The following LGALS16 variants were observed in gnomAD, a reference collection of about 807,000 sequenced individuals.
LGALS16 encodes galectin-16.
LGALS16 carries 15 observed loss-of-function variants against 13.2 expected under a neutral mutation model. The observed-to-expected ratio is 1.13, with a 90% confidence interval of 0.76 to 1.75. The LOEUF is 1.75. LGALS16 is among the 40% of genes most tolerant of loss of function. LGALS16 has a pLI of 0.00. For missense variants in LGALS16, 198 were observed against 178.4 expected (o/e 1.11, Z -0.63); for synonymous variants, 66 against 65.4 (o/e 1.01, Z -0.05).
chr19:39,655,941 G>T lies in LGALS16; in HGVS notation c.-21G>T. On this transcript the variant is annotated 5_prime_UTR_variant, in exon 1 of 4. Coordinates refer to ENST00000392051, the MANE Select transcript of LGALS16 (RefSeq NM_001190441.3). ...CAGAAGACTGGACACAATTCCGAAG[G>T]TCGCCCAGAAGGAGAGGACAATGTC... 6.2e-7 allele frequency: 1 copy of T among 1,613,488 alleles called. No individual in the cohort carries two copies. The highest frequency in any genetic ancestry group is 8.5e-7 in the Non-Finnish European group (1 of 1,179,806).
intron 3 of LGALS16, among the ~76,000 whole-genome samples, chr19:39,659,901 C>G (rs1311657846): frequency 6.6e-6 from 1 of 152,298 alleles, no homozygotes; most frequent in South Asian, 2.1e-4. Flanking sequence ...GACCTGTCCT[C>G]CTTTAACTCT....
chr19:39,656,805 G>C (rs907791067), intron 1 of LGALS16, among the ~76,000 whole-genome samples: 8 of 151,954 alleles, frequency 5.3e-5, no homozygotes, highest in Non-Finnish European at 7.4e-5. Context: ...TTTCATTGTG[G>C]GACAGGAGGT....
At position 39,660,501 on chromosome 19, in the gene LGALS16, T is replaced by C. The variant is rs776455945; in HGVS notation, c.410T>C (p.Val137Ala). Reference protein sequence around the residue: ...WRDVSLDSVLVNNGRR With the variant: ...WRDVSLDSVLANNGRR ...GATGTCTCCCTGGACTCAGTGCTTG[T>C]CAACAATGGACGGAGATGATCACAC... is the stretch of plus-strand genomic sequence containing the variant. Residue 137 changes from valine (V) to alanine (A), a missense_variant, in exon 4 of 4, where the codon GTC (valine) becomes GCC (alanine). Val to Ala is a moderately conservative substitution (Grantham distance 64). Transcript: ENST00000392051. The C allele has an allele frequency of 1.3e-6, 2 of 1,545,704 alleles. No individual in the cohort carries two copies. Among genetic ancestry groups the C allele is most frequent in the South Asian group, 1.2e-5 (1 of 84,664 alleles).
intron 3 of LGALS16, 24 bp downstream of exon 3, chr19:39,658,694 T>C (rs1159472439): frequency 2.1e-6 from 3 of 1,438,580 alleles, no homozygotes; most frequent in African/African-American, 2.8e-5. Flanking sequence ...GAGCTCGCAG[T>C]ACCCAGGCTC....
chr19:39,657,571 C>T (rs1973207776), intron 1 of LGALS16, among the ~76,000 whole-genome samples: 1 of 152,096 alleles, frequency 6.6e-6, no homozygotes, highest in Admixed American at 6.5e-5. Flanking sequence ...ACTTCCTACA[C>T]AGTAGGAATT....
chr19:39,657,956 C>T lies in LGALS16; in HGVS notation c.89C>T (p.Ser30Phe), dbSNP rs745449675. 3.7e-6 allele frequency: 6 copies of T among 1,613,856 alleles called. No individual in the cohort carries two copies. In the South Asian group the frequency reaches 5.5e-5, roughly 15 times the overall value. The change falls in exon 2 of 4, where the codon TCT becomes TTT. Residue 30 changes from serine (S) to phenylalanine (F), a missense_variant. Coordinates refer to ENST00000392051, the MANE Select transcript of LGALS16 (RefSeq NM_001190441.3). ...VIIKGTLIDS[S>F]INEPQLQVDF... is the part of the protein sequence containing the mutation. Reference sequence around the variant, plus strand: ...ATCAAAGGGACACTGATCGACTCTTCTATGTGAGTACTCCATGGTCCAATG... The same window carrying T: ...ATCAAAGGGACACTGATCGACTCTTTTATGTGAGTACTCCATGGTCCAATG...
chr19:39,657,884 T>C lies in LGALS16; in HGVS notation c.17T>C (p.Val6Ala), dbSNP rs745518275. Residue 6 changes from valine to alanine, a missense_variant and splice_region_variant, in exon 2 of 4, where the codon GTG (valine) becomes GCG (alanine). Val to Ala is a moderately conservative substitution (Grantham distance 64, BLOSUM62 0). Transcript: ENST00000392051. MSFLT[V>A]PYKLPVSLSV... ...CACTTATTCTCAATACCCTGGCAGG[T>C]GCCATACAAACTGCCTGTGTCTTTG... The C allele has an allele frequency of 1.9e-6, 3 of 1,613,768 alleles. No individual in the cohort carries two copies. Among genetic ancestry groups the C allele is most frequent in the Admixed American group, 3.3e-5 (2 of 60,022 alleles).
chr19:39,657,409 C>T (rs1973206302), intron 1 of LGALS16, among the ~76,000 whole-genome samples: 1 of 152,158 alleles, frequency 6.6e-6, no homozygotes, highest in African/African-American at 2.4e-5. Context: ...GGAAGGACGT[C>T]CATTGCCCTT....
chr19:39,656,076 G>A (rs1007512110), intron 1 of LGALS16, 100 bp downstream of exon 1: 6 of 1,254,458 alleles, frequency 4.8e-6, no homozygotes, highest in Non-Finnish European at 6.8e-6. Context: ...TTCCTACTGT[G>A]AATGCTTTAC....
intron 1 of LGALS16, 32 bp from the exon 2 acceptor site, chr19:39,657,851 G>T: frequency 3.7e-6 from 6 of 1,609,658 alleles, no homozygotes; most frequent in Non-Finnish European, 5.1e-6. Context: ...ACCTGACCCT[G>T]CACCTCTCAC....
intron 1 of LGALS16, 118 bp from the exon 2 acceptor site, chr19:39,657,765 G>A (rs1003744964): frequency 3.6e-6 from 4 of 1,098,442 alleles, no homozygotes; most frequent in African/African-American, 3.1e-5. Context: ...AGAGTGAATG[G>A]GGAGAGTCCA....
At chr19:39,656,800 T>C (rs1973199785) in intron 1 of LGALS16, among the ~76,000 whole-genome samples, 1 of 151,998 alleles carries the variant, frequency 6.6e-6, no homozygotes, top group East Asian at 1.9e-4. Flanking sequence ...GTCCTTTTCA[T>C]TGTGGGACAG....
chr19:39,659,436 T>C (rs1600818873), intron 3 of LGALS16, among the ~76,000 whole-genome samples: 1 of 152,196 alleles, frequency 6.6e-6, no homozygotes, highest in Non-Finnish European at 1.5e-5. Context: ...ATTTCATTTG[T>C]TTTTAAGTAA....
rs752412408 is a variant in LGALS16, at chr19:39,658,616, T to C, written c.249T>C (p.Phe83=). The C allele has an allele frequency of 6.2e-7, 1 of 1,603,892 alleles. No individual in the cohort carries two copies. The highest frequency in any genetic ancestry group is 8.5e-7 in the Non-Finnish European group (1 of 1,177,488). ...MLEENLHYVP[F]EDGKPFDLRI... is the part of the protein sequence containing the mutation. ...AGGAGAATTTACACTATGTGCCCTT[T>C]GAGGATGGCAAACCATTTGACTTGC... Residue 83 remains phenylalanine (F), a synonymous_variant, in exon 3 of 4, where the codon TTT becomes TTC. Transcript: ENST00000392051.
In LGALS16 at chr19:39,658,690, G is replaced by A. The variant is rs997104; in HGVS notation, c.303+20G>A. 4 of 1,487,346 alleles carry A rather than the reference G, an allele frequency of 2.7e-6. No individual in the cohort carries two copies. The highest frequency in any genetic ancestry group is 1.2e-5 in the South Asian group (1 of 83,760). The allele number at this position is 1,487,346 out of a possible 1,614,324, so 92.1% of individuals were successfully genotyped here. A position where few individuals can be genotyped will look rare whatever the true frequency, so the allele number is the denominator to read the frequency against. On this transcript the variant is annotated intron_variant, in intron 3 of 3. Coordinates refer to ENST00000392051, the MANE Select transcript of LGALS16 (RefSeq NM_001190441.3). ...TATGAGGTGAGCACCCCAGGAGCTC[G>A]CAGTACCCAGGCTCTTTGGGATCCC... is the stretch of plus-strand genomic sequence containing the variant.
At chr19:39,660,369 T>C (rs956469688) in intron 3 of LGALS16, 26 bp from the exon 4 acceptor site, 2 of 1,539,826 alleles carry the variant, frequency 1.3e-6, no homozygotes, top group African/African-American at 2.7e-5. Context: ...GCATACTGTC[T>C]TTCTGATGCA....
chr19:39,660,334 G>A lies in LGALS16; in HGVS notation c.304-61G>A. On this transcript the variant is annotated intron_variant, in intron 3 of 3. Coordinates refer to ENST00000392051, the MANE Select transcript of LGALS16 (RefSeq NM_001190441.3). ...GTTATTGGTACTAGGGCAGAGTAGAGAAGAGGCTGAAAACTTGTTGGGTGG... is the reference window on the plus strand; with the variant it reads ...GTTATTGGTACTAGGGCAGAGTAGAAAAGAGGCTGAAAACTTGTTGGGTGG... The A allele has an allele frequency of 2.0e-6, 3 of 1,521,086 alleles. No homozygotes were observed. The South Asian group carries it at 3.6e-5, about 18-fold the overall frequency. 94.2% of individuals were successfully genotyped at this position (1,521,086 alleles called of 1,614,324 possible). A position where few individuals can be genotyped will look rare whatever the true frequency, so the allele number is the denominator to read the frequency against.
At chr19:39,657,781 C>T in intron 1 of LGALS16, 102 bp from the exon 2 acceptor site, 1 of 1,305,322 alleles carries the variant, frequency 7.7e-7, no homozygotes, top group Non-Finnish European at 1.1e-6. Flanking sequence ...GTCCACAGAG[C>T]CTGCCCTGTG....
chr19:39,657,115 A>G (rs914338151), intron 1 of LGALS16, among the ~76,000 whole-genome samples: 1 of 152,146 alleles, frequency 6.6e-6, no homozygotes, highest in Non-Finnish European at 1.5e-5. Flanking sequence ...TTTAAATATC[A>G]GACTGCCAGA....
Sources: gnomAD v4.1 joint callset for allele counts (sites outside exome capture counted in the v4.1 genomes callset) on GRCh38, gnomAD v4.1.1 for gene constraint, MANE v1.5 for transcripts, NCBI Gene and HGNC (gene_info 2026-07-23, HGNC 2026-07-21) for gene names.